DACH1: variants seen among roughly 807,000 people sequenced by gnomAD.
DACH1 encodes the protein dachshund family transcription factor 1.
Under a neutral mutation model 54.2 loss-of-function variants are expected in DACH1, and 12 were observed. The ratio of observed to expected loss-of-function variants is 0.22; its 90% CI spans 0.14 to 0.36. The LOEUF (loss-of-function observed/expected upper bound fraction) is 0.36. DACH1 is among the 10% of genes least tolerant of loss of function. The probability of loss-of-function intolerance (pLI) is 1.00; values close to 1 mark genes in which losing one functional copy is unlikely to be tolerated. For missense variants in DACH1, 805 were observed against 929.8 expected (o/e 0.87, Z 1.75); for synonymous variants, 386 against 366.2 (o/e 1.05, Z -0.62).
chr13:71,839,500 G>A (rs1052486487), intron 1 of DACH1, among the ~76,000 whole-genome samples: 7 of 152,040 alleles, frequency 4.6e-5, no homozygotes, highest in Non-Finnish European at 4.4e-5. Context: ...CCAGCTACTC[G>A]GGAGGTTGAG....
At chr13:71,552,988 C>G (rs1194368405) in intron 6 of DACH1, among the ~76,000 whole-genome samples, 1 of 147,686 alleles carries the variant, frequency 6.8e-6, no homozygotes, top group Non-Finnish European at 1.5e-5. Context: ...TCGAGACCAG[C>G]CTGGCCAACA....
intron 4 of DACH1, among the ~76,000 whole-genome samples, chr13:71,560,187 G>A (rs991061851): frequency 6.6e-6 from 1 of 152,108 alleles, no homozygotes; most frequent in Non-Finnish European, 1.5e-5. Context: ...CTGCAGTAAT[G>A]GCGAATGTCA....
chr13:71,666,911 G>A (rs1241212891), intron 2 of DACH1, among the ~76,000 whole-genome samples: 1 of 152,134 alleles, frequency 6.6e-6, no homozygotes, highest in Non-Finnish European at 1.5e-5. Flanking sequence ...GGAAGGCAGA[G>A]GTTGCAGTGA....
At chr13:71,708,392 G>A (rs1338245273) in intron 1 of DACH1, among the ~76,000 whole-genome samples, 2 of 152,120 alleles carry the variant, frequency 1.3e-5, no homozygotes, top group Non-Finnish European at 2.9e-5. Context: ...ATTTTAAAGA[G>A]AGGATTATCT....
chr13:71,676,807 T>C (rs568369439), intron 2 of DACH1, among the ~76,000 whole-genome samples: 10 of 152,182 alleles, frequency 6.6e-5, no homozygotes, highest in Non-Finnish European at 1.3e-4. Context: ...AGTTATAAAT[T>C]CTTACCTTTT....
At chr13:71,697,474 T>C (rs565037976) in intron 1 of DACH1, among the ~76,000 whole-genome samples, 2 of 152,208 alleles carry the variant, frequency 1.3e-5, no homozygotes, top group Non-Finnish European at 2.9e-5. Context: ...TCTGGATTTA[T>C]CTTAGCTCTT....
intron 1 of DACH1, among the ~76,000 whole-genome samples, chr13:71,714,123 TC>T (rs1187695923): frequency 6.6e-6 from 1 of 152,064 alleles, no homozygotes. Context: ...TATCATATCT[TC>T]CTGAATATTA....
At chr13:71,857,575 A>G (rs1874084149) in intron 1 of DACH1, among the ~76,000 whole-genome samples, 1 of 151,752 alleles carries the variant, frequency 6.6e-6, no homozygotes, top group African/African-American at 2.4e-5. Flanking sequence ...TAATGCTAAT[A>G]CATATAAAAA....
At chr13:71,705,754 C>CT (rs535129726) in intron 1 of DACH1, among the ~76,000 whole-genome samples, 48 of 145,228 alleles carry the variant, frequency 3.3e-4, no homozygotes, top group Admixed American at 4.8e-4. Flanking sequence ...AAAAGTCTTT[C>CT]TTTTTTTTTT....
At chr13:71,672,259 T>C (rs1003190763) in intron 2 of DACH1, among the ~76,000 whole-genome samples, 115 of 152,308 alleles carry the variant, frequency 7.6e-4, no homozygotes, top group African/African-American at 2.7e-3. Context: ...TTCATCATTT[T>C]ACATGCAGAA....
chr13:71,592,494 C>CAAAAAA (rs575364116), intron 3 of DACH1, among the ~76,000 whole-genome samples: 59 of 32,510 alleles, frequency 1.8e-3, no homozygotes, highest in East Asian at 3.2e-3. Flanking sequence ...GACTCTATCT[C>CAAAAAA]AAAAAAAAAA....
intron 2 of DACH1, among the ~76,000 whole-genome samples, chr13:71,681,189 C>T (rs938976046): frequency 2.6e-5 from 4 of 151,970 alleles, no homozygotes; most frequent in Admixed American, 1.3e-4. Context: ...AGAAATCAAA[C>T]GAATTAATTT....
chr13:71,840,914 A>G (rs4460955), intron 1 of DACH1, among the ~76,000 whole-genome samples: 61,220 of 152,046 alleles, frequency 0.4, 14,979 homozygotes, highest in East Asian at 0.84. Context: ...AAGAACATGT[A>G]CAAAGTTGAG....
chr13:71,545,848 C>T (rs1268766908), intron 6 of DACH1, among the ~76,000 whole-genome samples: 1 of 151,932 alleles, frequency 6.6e-6, no homozygotes, highest in Non-Finnish European at 1.5e-5. Flanking sequence ...AACTTGTTCC[C>T]TTCATTAACA....
At chr13:71,681,235 G>A (rs2138700915) in intron 2 of DACH1, among the ~76,000 whole-genome samples, 1 of 152,224 alleles carries the variant, frequency 6.6e-6, no homozygotes, top group Non-Finnish European at 1.5e-5. Flanking sequence ...TTATGGTATG[G>A]AGCTTATGAA....
intron 6 of DACH1, among the ~76,000 whole-genome samples, chr13:71,552,840 TATAGAGAGAG>T (rs1192124173): frequency 2.4e-4 from 4 of 16,862 alleles, no homozygotes; most frequent in African/African-American, 2.5e-4. Context: ...TATATATATA[TATAGAGAGAG>T]AGAGAGAGAG....
At position 71,645,318 on chromosome 13, in the gene DACH1, G is replaced by C. The variant is rs111650106; in HGVS notation, c.965-14601C>G. Among the ~76,000 whole-genome samples, 32 of 152,302 alleles carry C rather than the reference G, an allele frequency of 2.1e-4. 1 individual carries two copies. Among genetic ancestry groups the C allele is most frequent in the African/African-American group, 7.5e-4 (31 of 41,544 alleles). On this transcript the variant is annotated intron_variant, in intron 2 of 10. Coordinates refer to ENST00000613252, the MANE Select transcript of DACH1 (RefSeq NM_080759.6). ...ATGCAGAAATATCAACTACTTTCTA[G>C]AACGAAACACTGTAGTTTAGAATGT... is the stretch of plus-strand genomic sequence containing the variant.
chr13:71,838,886 G>T (rs1888906439), intron 1 of DACH1, among the ~76,000 whole-genome samples: 1 of 152,162 alleles, frequency 6.6e-6, no homozygotes, highest in South Asian at 2.1e-4. Flanking sequence ...CTATTAAAAG[G>T]TCAGCTTACA....
At chr13:71,742,654 C>A (rs1373172398) in intron 1 of DACH1, among the ~76,000 whole-genome samples, 1 of 152,110 alleles carries the variant, frequency 6.6e-6, no homozygotes, top group East Asian at 1.9e-4. Flanking sequence ...CTGCTGTCTG[C>A]AGAATTGCAG....
Sources: allele counts gnomAD v4.1 joint callset (sites outside exome capture counted in the v4.1 genomes callset), GRCh38; gene constraint gnomAD v4.1.1; transcripts MANE v1.5; gene names NCBI Gene and HGNC (gene_info 2026-07-23, HGNC 2026-07-21).